Variants in ZBTB20 observed in about 807,000 individuals in gnomAD.
The protein encoded by ZBTB20 is zinc finger and BTB domain containing 20, also known as zinc finger and BTB domain-containing protein 20.
A neutral mutation model predicts 56.9 loss-of-function variants in ZBTB20; 9 were observed. The ratio of observed to expected loss-of-function variants is 0.16; its 90% CI spans 0.10 to 0.28. The LOEUF is 0.28. ZBTB20 is among the 10% of genes least tolerant of loss of function. The pLI, the probability that ZBTB20 is intolerant of heterozygous loss-of-function variation, is 1.00. For synonymous variants in ZBTB20, 417 were observed against 420.7 expected (o/e 0.99, Z 0.11); for missense variants, 655 against 1,003.0 (o/e 0.65, Z 4.69).
intron 4 of ZBTB20, among the ~76,000 whole-genome samples, chr3:114,849,736 T>C (rs2074899917): frequency 6.6e-6 from 1 of 152,070 alleles, no homozygotes; most frequent in Admixed American, 6.6e-5. Context: ...TATATACACA[T>C]GCATAGCAAA....
In ZBTB20 at chr3:114,569,523, C is replaced by T. The variant is rs187616567; in HGVS notation, c.-294-69132G>A. Among the ~76,000 whole-genome samples, 8 of 152,228 alleles carry T rather than the reference C, an allele frequency of 5.3e-5. No homozygotes were observed. In the East Asian group the frequency reaches 5.8e-4, roughly 11 times the overall value. ...CTCTTACATTCTATGACTCTCTGAC[C>T]GCAGATCAGTCAGGTCTCCTGGATT... On this transcript the variant is annotated intron_variant, in intron 6 of 11. Transcript: ENST00000675478.
intron 4 of ZBTB20, among the ~76,000 whole-genome samples, chr3:114,818,120 TAAAC>T (rs2073046796): frequency 6.6e-6 from 1 of 152,180 alleles, no homozygotes; most frequent in Non-Finnish European, 1.5e-5. Context: ...TTACAGAATA[TAAAC>T]AATCTATATT....
chr3:114,574,101 T>C (rs969727316), intron 6 of ZBTB20, among the ~76,000 whole-genome samples: 4 of 152,196 alleles, frequency 2.6e-5, no homozygotes, highest in Non-Finnish European at 4.4e-5. Context: ...TAAAATATTG[T>C]TTAAAATAAC....
intron 4 of ZBTB20, among the ~76,000 whole-genome samples, chr3:114,865,701 A>C (rs2075737716): frequency 6.6e-6 from 1 of 152,170 alleles, no homozygotes; most frequent in African/African-American, 2.4e-5. Context: ...GCTTCACTAG[A>C]TTTCATAAAT....
rs1033093074 is a variant in ZBTB20 at position 114,316,854 on chromosome 3, C to T, written c.*22151G>A. 13 of 223,364 alleles carry T rather than the reference C, an allele frequency of 5.8e-5. No individual in the cohort carries two copies. The highest frequency in any genetic ancestry group is 3.6e-4 in the South Asian group (7 of 19,510). The allele number at this position is 223,364 out of a possible 1,614,324, so 13.8% of individuals were successfully genotyped here. ...AGTGATTAATGGACATTCTGGACTC[C>T]GGGCACCTTAGCAGCAGCAGCAGCA... On this transcript the variant is annotated 3_prime_UTR_variant, in exon 12 of 12. Transcript: ENST00000675478.
chr3:114,563,058 A>G (rs1470455032), intron 6 of ZBTB20, among the ~76,000 whole-genome samples: 1 of 152,248 alleles, frequency 6.6e-6, no homozygotes, highest in Non-Finnish European at 1.5e-5. Flanking sequence ...AACAGACTCA[A>G]TACAGGGTTG....
At chr3:114,413,504 CA>C (rs1198070312) in intron 7 of ZBTB20, among the ~76,000 whole-genome samples, 1 of 152,116 alleles carries the variant, frequency 6.6e-6, no homozygotes, top group Non-Finnish European at 1.5e-5. Context: ...AAGTTAGCAA[CA>C]AGGACAATTG....
At chr3:114,707,779 C>T (rs964274585) in intron 5 of ZBTB20, among the ~76,000 whole-genome samples, 1 of 152,178 alleles carries the variant, frequency 6.6e-6, no homozygotes, top group African/African-American at 2.4e-5. Flanking sequence ...ACAGGTATGC[C>T]TTTCCCGTCT....
chr3:114,370,047 G>T (rs2082833322), intron 10 of ZBTB20, among the ~76,000 whole-genome samples: 1 of 152,162 alleles, frequency 6.6e-6, no homozygotes, highest in Admixed American at 6.5e-5. Flanking sequence ...GAAAGAACCA[G>T]TATAATATAA....
intron 5 of ZBTB20, among the ~76,000 whole-genome samples, chr3:114,711,263 T>C (rs1004845268): frequency 2.6e-5 from 4 of 152,240 alleles, no homozygotes; most frequent in Non-Finnish European, 5.9e-5. Flanking sequence ...TAGGAAACTT[T>C]GTTTAATTTC....
At chr3:114,443,444 C>G (rs1225936419) in intron 7 of ZBTB20, among the ~76,000 whole-genome samples, 1 of 152,144 alleles carries the variant, frequency 6.6e-6, no homozygotes, top group African/African-American at 2.4e-5. Flanking sequence ...CAGTCCACAG[C>G]AAGCAACACC....
intron 1 of ZBTB20, among the ~76,000 whole-genome samples, chr3:115,099,512 A>G (rs2083500372): frequency 6.6e-6 from 1 of 152,190 alleles, no homozygotes; most frequent in Admixed American, 6.5e-5. Context: ...TACATCCCCC[A>G]GATGCAATGT....
At chr3:115,047,421 C>A (rs1355444816) in intron 2 of ZBTB20, among the ~76,000 whole-genome samples, 1 of 152,156 alleles carries the variant, frequency 6.6e-6, no homozygotes, top group Non-Finnish European at 1.5e-5. Context: ...GCTGATTGTA[C>A]GAAATCCTCA....
At chr3:114,482,174 C>T (rs986571315) in intron 7 of ZBTB20, among the ~76,000 whole-genome samples, 4 of 152,132 alleles carry the variant, frequency 2.6e-5, no homozygotes, top group African/African-American at 9.7e-5. Context: ...GAAGACATGA[C>T]AAAGGAGCCT....
chr3:115,106,054 G>A (rs1031141984), intron 1 of ZBTB20, among the ~76,000 whole-genome samples: 2 of 152,032 alleles, frequency 1.3e-5, no homozygotes, highest in Admixed American at 1.3e-4. Context: ...CCGACCTTGT[G>A]ATCCGCCCAC....
At chr3:115,100,464 CAG>C (rs1420199106) in intron 1 of ZBTB20, 1 of 151,974 alleles carries the variant, frequency 6.6e-6, no homozygotes, top group Non-Finnish European at 1.5e-5. Flanking sequence ...CAGAAAGAAA[CAG>C]AGAGAAAGGC....
chr3:114,952,820 G>A (rs769753584), intron 3 of ZBTB20, among the ~76,000 whole-genome samples: 1 of 151,962 alleles, frequency 6.6e-6, no homozygotes, highest in African/African-American at 2.4e-5. Flanking sequence ...CTGTATAAAA[G>A]AGACCTGCTC....
intron 4 of ZBTB20, among the ~76,000 whole-genome samples, chr3:114,890,828 T>C (rs1446255767): frequency 6.6e-6 from 1 of 152,226 alleles, no homozygotes; most frequent in Admixed American, 6.5e-5. Flanking sequence ...AACATTAAAC[T>C]AATAATTATA....
chr3:114,904,154 T>C (rs1205197987), intron 3 of ZBTB20, among the ~76,000 whole-genome samples: 1 of 152,072 alleles, frequency 6.6e-6, no homozygotes, highest in Non-Finnish European at 1.5e-5. Context: ...AAGTTCTTTT[T>C]ACTTCTAGGT....
Sources: gnomAD v4.1 joint callset for allele counts (sites outside exome capture counted in the v4.1 genomes callset) on GRCh38, gnomAD v4.1.1 for gene constraint, MANE v1.5 for transcripts, NCBI Gene and HGNC (gene_info 2026-07-23, HGNC 2026-07-21) for gene names.